The following CBLN2 variants were observed in gnomAD, a reference collection of about 807,000 sequenced individuals.
CBLN2 encodes the protein cerebellin-2.
In CBLN2, 7 loss-of-function variants were observed where a neutral mutation model predicts 15.0. That is an observed-to-expected ratio of 0.47 (90% CI 0.27 to 0.88). The LOEUF is 0.88. Among genes scored for constraint, CBLN2 ranks in the 40% least tolerant of loss-of-function variants. The pLI, the probability that CBLN2 is intolerant of heterozygous loss-of-function variation, is 0.14. For missense variants in CBLN2, 242 were observed against 304.5 expected, an observed-to-expected ratio of 0.79 and a Z score of 1.53; for synonymous variants, 149 against 135.2, an observed-to-expected ratio of 1.10 and a Z score of -0.71.
chr18:72,572,714 C>G (rs978465443), intron 1 of CBLN2, among the ~76,000 whole-genome samples: 1 of 152,092 alleles, frequency 6.6e-6, no homozygotes, highest in Non-Finnish European at 1.5e-5. Context: ...TCATCACGTC[C>G]AGCTTGCTTT....
At chr18:72,589,813 C>T (rs1016769872) in intron 1 of CBLN2, among the ~76,000 whole-genome samples, 9 of 152,162 alleles carry the variant, frequency 5.9e-5, no homozygotes, top group Admixed American at 2.0e-4. Flanking sequence ...GATCTGAGAT[C>T]ATAGTTACTT....
upstream of CBLN2, among the ~76,000 whole-genome samples, chr18:72,546,947 G>A (rs1452222080): frequency 6.6e-6 from 1 of 152,062 alleles, no homozygotes; most frequent in Non-Finnish European, 1.5e-5. Flanking sequence ...TAGATTTGCT[G>A]TTGGATCCAT....
chr18:72,568,555 A>C (rs1042026292), intron 1 of CBLN2, among the ~76,000 whole-genome samples: 2 of 152,096 alleles, frequency 1.3e-5, no homozygotes, highest in South Asian at 4.1e-4. Flanking sequence ...TAAATTACAT[A>C]AACTAAAAAA....
intron 1 of CBLN2, among the ~76,000 whole-genome samples, chr18:72,599,579 A>G (rs935725404): frequency 2.6e-5 from 4 of 152,362 alleles, no homozygotes; most frequent in Admixed American, 2.0e-4. Context: ...ACCAAATTAG[A>G]TATTTATATG....
chr18:72,603,306 C>G (rs2069561470), intron 1 of CBLN2, among the ~76,000 whole-genome samples: 1 of 152,196 alleles, frequency 6.6e-6, no homozygotes. Context: ...CTTGAAATAA[C>G]TGAAATCATC....
intron 1 of CBLN2, among the ~76,000 whole-genome samples, chr18:72,595,105 T>C (rs2069504557): frequency 6.6e-6 from 1 of 152,002 alleles, no homozygotes; most frequent in Non-Finnish European, 1.5e-5. Flanking sequence ...TTTCTAATTC[T>C]TTAAGATGCA....
intron 1 of CBLN2, among the ~76,000 whole-genome samples, chr18:72,601,092 C>A (rs1304230491): frequency 6.6e-6 from 1 of 152,186 alleles, no homozygotes; most frequent in East Asian, 1.9e-4. Context: ...TAATAGAATT[C>A]TGGCCCTTCT....
At chr18:72,553,310 G>A (rs1490464334) in intron 1 of CBLN2, among the ~76,000 whole-genome samples, 4 of 152,122 alleles carry the variant, frequency 2.6e-5, no homozygotes, top group Non-Finnish European at 4.4e-5. Context: ...AATCTGCCCC[G>A]GTCCTTCAGG....
intron 1 of CBLN2, among the ~76,000 whole-genome samples, chr18:72,604,308 AT>A (rs1024310383): frequency 6.6e-6 from 1 of 151,922 alleles, no homozygotes. Context: ...GCCTTTCATA[AT>A]TTTTTTTGTT....
rs534759665 is a variant in CBLN2 at position 72,565,330 on chromosome 18, A to C, written c.16-26558T>G. Among the ~76,000 whole-genome samples the C allele has an allele frequency of 3.3e-5, 5 of 152,262 alleles. 1 individual carries two copies. The East Asian group carries it at 9.7e-4, about 29-fold the overall frequency. ...ATTTAATATTATTACTGTATAATAT[A>C]TTACAATATGTAATACCACCATTAT... On this transcript the variant is annotated intron_variant, in intron 1 of 2. Coordinates refer to the CBLN2 transcript ENST00000581073.
At chr18:72,584,710 G>A (rs907672801) in intron 1 of CBLN2, among the ~76,000 whole-genome samples, 2 of 152,096 alleles carry the variant, frequency 1.3e-5, no homozygotes, top group Non-Finnish European at 2.9e-5. Context: ...AAGACTGCTT[G>A]GGACATAATA....
At chr18:72,606,153 A>T (rs2144948351) in intron 1 of CBLN2, among the ~76,000 whole-genome samples, 1 of 152,314 alleles carries the variant, frequency 6.6e-6, no homozygotes, top group Non-Finnish European at 1.5e-5. Context: ...GAGAATAGAT[A>T]TGTTGTTTTT....
chr18:72,573,367 CAGT>C (rs1393004510), intron 1 of CBLN2, among the ~76,000 whole-genome samples: 1 of 152,132 alleles, frequency 6.6e-6, no homozygotes, highest in Non-Finnish European at 1.5e-5. Flanking sequence ...TTAAATAAAA[CAGT>C]AGGAGTGTCA....
intron 1 of CBLN2, among the ~76,000 whole-genome samples, chr18:72,632,660 CT>C (rs2069784893): frequency 6.6e-6 from 1 of 152,158 alleles, no homozygotes. Flanking sequence ...GAAGTCCAAA[CT>C]CCTTAACATG....
chr18:72,565,549 C>A (rs773092962), intron 1 of CBLN2, among the ~76,000 whole-genome samples: 2 of 152,074 alleles, frequency 1.3e-5, no homozygotes, highest in South Asian at 4.2e-4. Context: ...TTGTATGCAA[C>A]CGAAGTTAAG....
At chr18:72,566,687 G>A (rs2069297332) in intron 1 of CBLN2, among the ~76,000 whole-genome samples, 1 of 152,158 alleles carries the variant, frequency 6.6e-6, no homozygotes, top group South Asian at 2.1e-4. Flanking sequence ...TTGTTAATGA[G>A]TACAATGTTA....
chr18:72,615,893 T>C (rs2069658202), intron 1 of CBLN2, among the ~76,000 whole-genome samples: 1 of 152,162 alleles, frequency 6.6e-6, no homozygotes, highest in Non-Finnish European at 1.5e-5. Flanking sequence ...CTTGTATTAG[T>C]TTTTAAATAT....
chr18:72,541,729 G>T, intron 3 of CBLN2, 75 bp downstream of exon 3: 1 of 1,261,790 alleles, frequency 7.9e-7, no homozygotes, highest in South Asian at 1.5e-5. Flanking sequence ...CAAGAAGCCT[G>T]AACCCCAGCC....
Position 72,569,740 on chromosome 18 carries a change from AACTC to A in CBLN2, c.16-30972_16-30969del, listed in dbSNP as rs1315053368. Among the ~76,000 whole-genome samples, 4 of 152,248 alleles carry A rather than the reference AACTC, an allele frequency of 2.6e-5. No individual in the cohort carries two copies. The South Asian group carries it at 8.3e-4, about 32-fold the overall frequency. ...ATCTCGTGTGAACTACCAGAGTGGG[AACTC>A]ACTCACTCATCACCAAGGGGAAGGC... is the stretch of plus-strand genomic sequence containing the variant. On this transcript the variant is annotated intron_variant, in intron 1 of 2. Transcript: ENST00000581073.
Sources: gnomAD v4.1 joint callset for allele counts (sites outside exome capture counted in the v4.1 genomes callset) on GRCh38, gnomAD v4.1.1 for gene constraint, MANE v1.5 for transcripts, NCBI Gene and HGNC (gene_info 2026-07-23, HGNC 2026-07-21) for gene names.